Variants in GMDS observed in about 807,000 individuals in gnomAD.
GMDS encodes the protein GDP-mannose 4,6-dehydratase.
Under a neutral mutation model 49.9 loss-of-function variants are expected in GMDS, and 20 were observed. The ratio of observed to expected loss-of-function variants is 0.40; its 90% CI spans 0.28 to 0.58. The LOEUF (loss-of-function observed/expected upper bound fraction) is 0.58, where lower values mean the gene tolerates loss of function less well. Ranked by LOEUF, GMDS falls within the 20% of genes least tolerant of loss-of-function variation. The pLI is 0.42. For missense variants in GMDS, 362 were observed against 481.4 expected (o/e 0.75, Z 2.32); for synonymous variants, 177 against 178.6 (o/e 0.99, Z 0.07).
chr6:2,181,174 CAA>C (rs755377915), intron 1 of GMDS, among the ~76,000 whole-genome samples: 45 of 51,318 alleles, frequency 8.8e-4, no homozygotes, highest in Admixed American at 4.8e-3. Flanking sequence ...GACTCCATCT[CAA>C]AAAAAAAAAA....
At chr6:2,065,285 T>A (rs1205249734) in intron 4 of GMDS, among the ~76,000 whole-genome samples, 3 of 151,988 alleles carry the variant, frequency 2.0e-5, no homozygotes, top group Non-Finnish European at 4.4e-5. Flanking sequence ...ATCACCATCA[T>A]CAAAGACCAA....
At chr6:1,903,529 A>G (rs756694510) in intron 7 of GMDS, among the ~76,000 whole-genome samples, 4 of 152,244 alleles carry the variant, frequency 2.6e-5, no homozygotes, top group Non-Finnish European at 2.9e-5. Flanking sequence ...TCTCTGCTCT[A>G]AACAATTTAC....
intron 6 of GMDS, among the ~76,000 whole-genome samples, chr6:1,957,460 T>A (rs796075559): frequency 4.6e-5 from 7 of 152,352 alleles, no homozygotes; most frequent in African/African-American, 1.4e-4. Flanking sequence ...GCATTACATA[T>A]CAAAGTATTA....
intron 6 of GMDS, among the ~76,000 whole-genome samples, chr6:1,956,275 G>T (rs982612114): frequency 1.3e-5 from 2 of 152,160 alleles, no homozygotes; most frequent in Non-Finnish European, 2.9e-5. Context: ...ATAGATGAAA[G>T]CAGCCATAGA....
intron 7 of GMDS, among the ~76,000 whole-genome samples, chr6:1,876,258 CA>C (rs1237756188): frequency 4.5e-4 from 62 of 137,890 alleles, no homozygotes; most frequent in South Asian, 1.6e-3. Flanking sequence ...AACTCTGTCT[CA>C]AAAAAAAAAA....
At chr6:1,886,275 C>T (rs1357953942) in intron 7 of GMDS, among the ~76,000 whole-genome samples, 3 of 152,056 alleles carry the variant, frequency 2.0e-5, no homozygotes, top group South Asian at 2.1e-4. Flanking sequence ...GTAATTCTGT[C>T]GGAATTTTAC....
Position 1,831,984 on chromosome 6 carries a change from C to G in GMDS, c.772-89398G>C, listed in dbSNP as rs187347088. Among the ~76,000 whole-genome samples, 74 of 152,154 alleles carry G rather than the reference C, an allele frequency of 4.9e-4. No individual in the cohort carries two copies. In the South Asian group the frequency reaches 0.01, roughly 21 times the overall value. On this transcript the variant is annotated intron_variant, in intron 7 of 10. Coordinates refer to ENST00000380815, the MANE Select transcript of GMDS (RefSeq NM_001500.4). Reference sequence around the variant, plus strand: ...CAAAAAACCATAAGGTGGTTGATAACGTCTTCAGAAATTTAATAAATATAT... The same window carrying G: ...CAAAAAACCATAAGGTGGTTGATAAGGTCTTCAGAAATTTAATAAATATAT...
At chr6:1,959,370 T>A (rs1005397709) in intron 6 of GMDS, among the ~76,000 whole-genome samples, 9 of 152,224 alleles carry the variant, frequency 5.9e-5, no homozygotes, top group African/African-American at 2.2e-4. Context: ...GTTAAAAAAC[T>A]GATTTCAACT....
intron 6 of GMDS, among the ~76,000 whole-genome samples, chr6:1,938,384 C>T (rs1436437344): frequency 6.6e-6 from 1 of 152,094 alleles, no homozygotes; most frequent in Non-Finnish European, 1.5e-5. Context: ...TTTAGAAGTT[C>T]CCTTAATGTG....
At chr6:2,135,541 C>T (rs1216485304) in intron 1 of GMDS, among the ~76,000 whole-genome samples, 1 of 152,092 alleles carries the variant, frequency 6.6e-6, no homozygotes, top group Non-Finnish European at 1.5e-5. Flanking sequence ...GATGCATTTC[C>T]TACATTTGAG....
chr6:1,923,695 C>T (rs1761843765), intron 7 of GMDS, among the ~76,000 whole-genome samples: 1 of 152,210 alleles, frequency 6.6e-6, no homozygotes, highest in Non-Finnish European at 1.5e-5. Flanking sequence ...ACGGAGCACC[C>T]TGTCACAAGT....
intron 4 of GMDS, among the ~76,000 whole-genome samples, chr6:2,060,991 G>A (rs977816739): frequency 5.3e-5 from 8 of 151,570 alleles, no homozygotes; most frequent in African/African-American, 1.7e-4. Context: ...CTCCAGCCTG[G>A]CAACAGAGCA....
At chr6:1,818,576 C>G (rs1007880203) in intron 7 of GMDS, among the ~76,000 whole-genome samples, 1 of 144,394 alleles carries the variant, frequency 6.9e-6, no homozygotes, top group Non-Finnish European at 1.5e-5. Flanking sequence ...CCATTCCACT[C>G]TAGCCTGGGG....
At chr6:1,774,706 G>A (rs913126177) in intron 7 of GMDS, among the ~76,000 whole-genome samples, 2 of 142,988 alleles carry the variant, frequency 1.4e-5, no homozygotes, top group Non-Finnish European at 3.0e-5. Flanking sequence ...TCATGTTGGG[G>A]TGGAAACGAC....
intron 7 of GMDS, among the ~76,000 whole-genome samples, chr6:1,835,265 G>C (rs1756872257): frequency 6.6e-6 from 1 of 152,190 alleles, no homozygotes; most frequent in African/African-American, 2.4e-5. Flanking sequence ...AGATCACTGG[G>C]ATAGGGTGGA....
intron 9 of GMDS, among the ~76,000 whole-genome samples, chr6:1,704,419 T>C (rs1765652432): frequency 6.6e-6 from 1 of 152,012 alleles, no homozygotes; most frequent in African/African-American, 2.4e-5. Context: ...TGAGGGTAAC[T>C]GAGCAAGAGC....
intron 9 of GMDS, among the ~76,000 whole-genome samples, chr6:1,691,382 C>T (rs1448506545): frequency 6.6e-6 from 1 of 151,984 alleles, no homozygotes; most frequent in Non-Finnish European, 1.5e-5. Context: ...GGGAGAGCAT[C>T]AGGAAAAATA....
chr6:1,971,096 G>C (rs969971681), intron 4 of GMDS, among the ~76,000 whole-genome samples: 1 of 150,954 alleles, frequency 6.6e-6, no homozygotes, highest in African/African-American at 2.5e-5. Flanking sequence ...TAAATGCACC[G>C]GCAATGTTTG....
chr6:2,115,745 A>G (rs779793964), intron 4 of GMDS, 26 bp downstream of exon 4: 20 of 1,177,286 alleles, frequency 1.7e-5, no homozygotes, highest in African/African-American at 9.0e-5. Flanking sequence ...AAACACGGCC[A>G]GAGAAATCCC....
Sources: allele counts gnomAD v4.1 joint callset (sites outside exome capture counted in the v4.1 genomes callset), GRCh38; gene constraint gnomAD v4.1.1; transcripts MANE v1.5; gene names NCBI Gene and HGNC (gene_info 2026-07-23, HGNC 2026-07-21).